The following HTT variants were observed in gnomAD, a reference collection of about 807,000 sequenced individuals.
HTT encodes the protein huntingtin.
Under a neutral mutation model 362.3 loss-of-function variants are expected in HTT, and 104 were observed. That is an observed-to-expected ratio of 0.29 (90% CI 0.24 to 0.34). The LOEUF is 0.34. Among genes scored for constraint, HTT ranks in the 10% least tolerant of loss-of-function variants. The probability of loss-of-function intolerance (pLI) is 1.00; values close to 1 mark genes in which losing one functional copy is unlikely to be tolerated. For synonymous variants in HTT, 1,577 were observed against 1,548.7 expected (o/e 1.02, Z -0.43); for missense variants, 3,301 against 3,928.6 (o/e 0.84, Z 4.27).
Position 3,209,904 on chromosome 4 carries a change from G to T in HTT, c.6369G>T (p.Val2123=). The T allele has an allele frequency of 6.2e-7, 1 of 1,614,166 alleles. No homozygotes were observed. The highest frequency in any genetic ancestry group is 1.1e-5 in the South Asian group (1 of 91,064). Residue 2123 remains valine (V), a synonymous_variant, in exon 47 of 67, where the codon GTG becomes GTT. Coordinates refer to ENST00000355072, the MANE Select transcript of HTT (RefSeq NM_001388492.1). ...DSALLEGAEL[V]NRIPAEDMNA... ...CACTGCTGGAAGGTGCAGAGCTGGT[G>T]AATCGGATTCCTGCTGAAGATATGA...
intron 15 of HTT, 43 bp from the exon 16 acceptor site, chr4:3,131,595 C>A: frequency 6.2e-7 from 1 of 1,605,112 alleles, no homozygotes; most frequent in Non-Finnish European, 8.5e-7. Context: ...TGAAAACAAT[C>A]TGTTGTTTGA....
chr4:3,203,610 T>C (rs1384702140), intron 41 of HTT, among the ~76,000 whole-genome samples: 3 of 152,222 alleles, frequency 2.0e-5, no homozygotes, highest in South Asian at 4.1e-4. Flanking sequence ...CAGTAAAACA[T>C]GAAAGCAGGG....
At chr4:3,080,669 A>G (rs1264015796) in intron 1 of HTT, among the ~76,000 whole-genome samples, 1 of 152,210 alleles carries the variant, frequency 6.6e-6, no homozygotes, top group Non-Finnish European at 1.5e-5. Context: ...CTAAGAAATC[A>G]TTGTCTAATC....
Position 3,173,120 on chromosome 4 carries a change from C to T in HTT, c.4155C>T (p.Asn1385=), listed in dbSNP as rs1191023585. 1.1e-5 allele frequency: 17 copies of T among 1,613,496 alleles called. No individual in the cohort carries two copies. The highest frequency in any genetic ancestry group is 2.7e-5 in the African/African-American group (2 of 74,900). ...LRNMVQAEQE[N]DTSGWFDVLQ... is the part of the protein sequence containing the mutation. ...ACATGGTGCAGGCGGAGCAGGAGAA[C>T]GACACCTCGGGGTAACAGTTGTGGC... Residue 1385 remains asparagine (N), a synonymous_variant, in exon 31 of 67, where the codon AAC becomes AAT. Coordinates refer to ENST00000355072, the MANE Select transcript of HTT (RefSeq NM_001388492.1).
intron 40 of HTT, among the ~76,000 whole-genome samples, chr4:3,189,445 T>TA (rs1238983863): frequency 1.3e-5 from 2 of 152,118 alleles, no homozygotes; most frequent in African/African-American, 4.8e-5. Flanking sequence ...TATTCAGCCT[T>TA]AAAAAAAGGA....
At position 3,212,063 on chromosome 4, in the gene HTT, C is replaced by A; in HGVS notation, c.6549C>A (p.Leu2183=). The A allele has an allele frequency of 1.2e-6, 2 of 1,614,198 alleles. No individual in the cohort carries two copies. Among genetic ancestry groups the A allele is most frequent in the South Asian group, 2.2e-5 (2 of 91,084 alleles). The change falls in exon 48 of 67, where the codon CTC becomes CTA. Residue 2183 remains leucine, a synonymous_variant. Transcript: ENST00000355072. ...LARVSGTVQQ[L]PAVHHVFQPE... is the part of the protein sequence containing the mutation. ...GTGTGAGCGGCACCGTGCAGCAGCT[C>A]CCTGCTGTCCATCATGTCTTCCAGC...
chr4:3,229,322 C>A (rs1448689401), intron 59 of HTT, among the ~76,000 whole-genome samples: 7 of 143,420 alleles, frequency 4.9e-5, no homozygotes, highest in South Asian at 2.3e-4. Flanking sequence ...ACACACACAC[C>A]ACACACACCA....
chr4:3,238,134 C>G (rs563805677), intron 64 of HTT, among the ~76,000 whole-genome samples: 1 of 149,300 alleles, frequency 6.7e-6, no homozygotes, highest in South Asian at 2.1e-4. Flanking sequence ...CCAGGCTTTA[C>G]GTAGCTTTCA....
At chr4:3,116,307 G>T in intron 8 of HTT, 44 bp downstream of exon 8, 1 of 1,491,126 alleles carries the variant, frequency 6.7e-7, no homozygotes, top group South Asian at 1.1e-5. Flanking sequence ...GTGAATGACT[G>T]ACATTCAAAG....
rs568971075 is a variant in HTT at position 3,129,852 on chromosome 4, C to T, written c.1744-72C>T. On this transcript the variant is annotated intron_variant, in intron 12 of 66. Transcript: ENST00000355072. ...TAAAATGTGCTCTTTCCTCATTGCA[C>T]TTCCATGTTGGAGGGCTTGTCTCTT... 1.2e-5 allele frequency: 19 copies of T among 1,585,896 alleles called. No individual in the cohort carries two copies. The South Asian group carries it at 2.0e-4, about 17-fold the overall frequency.
chr4:3,121,373 C>G lies in HTT; in HGVS notation c.1214C>G (p.Thr405Ser), dbSNP rs1715288101. ...LTAVGGIGQL[T>S]AAKEESGGRS... is the part of the protein sequence containing the mutation. ...GCAGTCGGGGGCATTGGGCAGCTCA[C>G]CGCTGCTAAGGAGGAGTCTGGTGGC... Residue 405 changes from threonine to serine, a missense_variant, in exon 9 of 67, where the codon ACC (threonine) becomes AGC (serine). Coordinates refer to ENST00000355072, the MANE Select transcript of HTT (RefSeq NM_001388492.1). The G allele has an allele frequency of 1.2e-6, 2 of 1,614,148 alleles. No individual in the cohort carries two copies. Among genetic ancestry groups the G allele is most frequent in the Non-Finnish European group, 1.7e-6 (2 of 1,180,010 alleles).
At chr4:3,086,144 G>A (rs1400870241) in intron 1 of HTT, among the ~76,000 whole-genome samples, 1 of 152,178 alleles carries the variant, frequency 6.6e-6, no homozygotes, top group Non-Finnish European at 1.5e-5. Context: ...ATCATCTTCT[G>A]TACTGCTGAG....
At position 3,218,178 on chromosome 4, in the gene HTT, C is replaced by T. The variant is rs1720503382; in HGVS notation, c.7242+226C>T. Among the ~76,000 whole-genome samples, 1 of 152,248 alleles carries T rather than the reference C, an allele frequency of 6.6e-6. No individual in the cohort carries two copies. The highest frequency in any genetic ancestry group is 2.4e-5 in the African/African-American group (1 of 41,464). On this transcript the variant is annotated intron_variant, in intron 52 of 66. Coordinates refer to ENST00000355072, the MANE Select transcript of HTT (RefSeq NM_001388492.1). The surrounding 1 kb of genome is among the most constrained non-coding windows in gnomAD (Gnocchi z 4.4). ...TTTTCTAAAATGAACTGAGGCCCTA[C>T]ATCCCTAAGAGATTAGTGTTAGACC...
chr4:3,213,940 C>G lies in HTT; in HGVS notation c.6775-18C>G. On this transcript the variant is annotated intron_variant, in intron 49 of 66. Coordinates refer to ENST00000355072, the MANE Select transcript of HTT (RefSeq NM_001388492.1). ...AGGTACACGAGTGGGCATTCTGTGA[C>G]TCGGTACTTCCCTTTAGGCCCTGTC... The G allele has an allele frequency of 6.6e-7, 1 of 1,509,754 alleles. No individual in the cohort carries two copies. The highest frequency in any genetic ancestry group is 2.0e-5 in the Admixed American group (1 of 49,170). The allele number at this position is 1,509,754 out of a possible 1,614,324, so 93.5% of individuals were successfully genotyped here. A position where few individuals can be genotyped will look rare whatever the true frequency, so the allele number is the denominator to read the frequency against.
Position 3,182,444 on chromosome 4 carries a change from A to G in HTT, c.4840A>G (p.Ile1614Val), listed in dbSNP as rs1311814483. The change falls in exon 37 of 67, where the codon ATC (isoleucine) becomes GTC (valine). Residue 1614 changes from isoleucine to valine, a missense_variant. By Grantham distance (29) the Ile-to-Val change is conservative. Transcript: ENST00000355072. Reference sequence around the variant, plus strand: ...ACTGTCTCGACAGATAGCTGACATCATCCTCCCAATGTTAGCCAAACAGCA... The same window carrying G: ...ACTGTCTCGACAGATAGCTGACATCGTCCTCCCAATGTTAGCCAAACAGCA... ...KRLSRQIADI[I>V]LPMLAKQQMH... 1.9e-6 allele frequency: 3 copies of G among 1,613,328 alleles called. No homozygotes were observed. Among genetic ancestry groups the G allele is most frequent in the Non-Finnish European group, 2.5e-6 (3 of 1,179,216 alleles).
At position 3,116,161 on chromosome 4, in the gene HTT, G is replaced by A. The variant is rs374024704; in HGVS notation, c.966G>A (p.Val322=). 6.2e-7 allele frequency: 1 copy of A among 1,613,906 alleles called. No homozygotes were observed. The highest frequency in any genetic ancestry group is 8.5e-7 in the Non-Finnish European group (1 of 1,179,962). ...LGVLLTLRYL[V]PLLQQQVKDT... ...TGCTGCTCACCCTGAGGTATTTGGT[G>A]CCCTTGCTGCAGCAGCAGGTCAAGG... The change falls in exon 8 of 67, where the codon GTG becomes GTA. Residue 322 remains valine (V), a synonymous_variant. Transcript: ENST00000355072.
chr4:3,127,107 G>A (rs947223375), intron 11 of HTT, among the ~76,000 whole-genome samples, 157 bp from the exon 12 acceptor site: 20 of 152,328 alleles, frequency 1.3e-4, no homozygotes, highest in African/African-American at 4.3e-4. Context: ...AGAGATGCTT[G>A]AAGGATGCAC....
chr4:3,132,965 T>G, intron 18 of HTT, 54 bp downstream of exon 18: 1 of 1,288,948 alleles, frequency 7.8e-7, no homozygotes, highest in Non-Finnish European at 1.1e-6. Context: ...ATTTTATCAT[T>G]GCTACAATTA....
At chr4:3,225,594 G>A in intron 56 of HTT, 67 bp from the exon 57 acceptor site, 1 of 1,418,682 alleles carries the variant, frequency 7.0e-7, no homozygotes, top group Non-Finnish European at 9.8e-7. Context: ...GAGCTGGGCT[G>A]GTATGGGGTG....
Sources: gnomAD v4.1 joint callset for allele counts (sites outside exome capture counted in the v4.1 genomes callset) on GRCh38, gnomAD v4.1.1 for gene constraint, Gnocchi (gnomAD v3.1) non-coding constraint, MANE v1.5 for transcripts, NCBI Gene and HGNC (gene_info 2026-07-23, HGNC 2026-07-21) for gene names.